Variants in PLEKHG1 observed in about 807,000 individuals in gnomAD.
PLEKHG1 encodes the protein pleckstrin homology and RhoGEF domain containing G1, also known as pleckstrin homology domain-containing family G member 1.
PLEKHG1 carries 44 observed loss-of-function variants against 100.8 expected under a neutral mutation model. The observed-to-expected ratio is 0.44, with a 90% CI of 0.34 to 0.56. The LOEUF (loss-of-function observed/expected upper bound fraction) is 0.56, where lower values mean the gene tolerates loss of function less well. Ranked by LOEUF, PLEKHG1 falls within the 20% of genes least tolerant of loss-of-function variation. The pLI is 0.01. For missense variants in PLEKHG1, 1,545 were observed against 1,720.9 expected (o/e 0.90, Z 1.81); for synonymous variants, 640 against 662.5 (o/e 0.97, Z 0.52).
At chr6:150,748,615 C>CTTTTT (rs746682669) in intron 2 of PLEKHG1, among the ~76,000 whole-genome samples, 4 of 118,196 alleles carry the variant, frequency 3.4e-5, no homozygotes, top group African/African-American at 3.4e-5. Context: ...TACCTTTGAC[C>CTTTTT]TTTTTTTTTT....
At chr6:150,722,833 A>G (rs1007440095) in intron 1 of PLEKHG1, among the ~76,000 whole-genome samples, 5 of 152,158 alleles carry the variant, frequency 3.3e-5, no homozygotes, top group African/African-American at 4.8e-5. Context: ...AGTGCGTTCC[A>G]TACAGATGGA....
At chr6:150,618,473 T>C (rs1272040848) in intron 1 of PLEKHG1, among the ~76,000 whole-genome samples, 2 of 152,212 alleles carry the variant, frequency 1.3e-5, no homozygotes, top group Non-Finnish European at 2.9e-5. Context: ...CCACTGTGGC[T>C]GATATCAAGC....
intron 2 of PLEKHG1, among the ~76,000 whole-genome samples, chr6:150,754,668 T>C (rs1200555245): frequency 2.0e-5 from 3 of 149,514 alleles, no homozygotes; most frequent in South Asian, 2.1e-4. Context: ...GGACTTTCTT[T>C]CTTTTTTTTT....
chr6:150,626,343 A>G (rs1163478570), intron 1 of PLEKHG1, among the ~76,000 whole-genome samples: 2 of 152,206 alleles, frequency 1.3e-5, no homozygotes, highest in Admixed American at 6.5e-5. Context: ...TCAGAGTTCC[A>G]TGGCCAGCTG....
intron 4 of PLEKHG1, among the ~76,000 whole-genome samples, chr6:150,791,416 C>T (rs1182331268): frequency 3.3e-5 from 5 of 152,112 alleles, no homozygotes; most frequent in Non-Finnish European, 5.9e-5. Context: ...AATCTCAGCA[C>T]TTTGGGAGGC....
Position 150,683,898 on chromosome 6 carries a change from C to A in PLEKHG1, c.-99+33112C>A. On this transcript the variant is annotated intron_variant, in intron 3 of 3. Transcript: ENST00000367326. The surrounding 1 kb of genome is among the most constrained non-coding windows in gnomAD (Gnocchi z 4.0). ...TGGGATGGAGGTAAGATGGAGCGAT[C>A]CTATGGTTTGGCACCTGCAGCCAGG... 1 of 1,098,798 alleles carries A rather than the reference C, an allele frequency of 9.1e-7. No individual in the cohort carries two copies. Among genetic ancestry groups the A allele is most frequent in the Non-Finnish European group, 1.2e-6 (1 of 837,382 alleles). 68.1% of individuals were successfully genotyped at this position (1,098,798 alleles called of 1,614,324 possible).
At chr6:150,750,424 GC>G (rs1366062560) in intron 2 of PLEKHG1, among the ~76,000 whole-genome samples, 1 of 152,138 alleles carries the variant, frequency 6.6e-6, no homozygotes, top group East Asian at 1.9e-4. Context: ...TTGAAGTTCT[GC>G]AGATTCCAGT....
intron 13 of PLEKHG1, 134 bp downstream of exon 14, chr6:150,821,367 A>G (rs1776286451): frequency 1.5e-6 from 1 of 683,324 alleles, no homozygotes; most frequent in Non-Finnish European, 2.5e-6. Flanking sequence ...TAACTTCTGT[A>G]AATAAAAGTG....
chr6:150,683,989 C>T lies in PLEKHG1; in HGVS notation c.-99+33203C>T, dbSNP rs573232913. On this transcript the variant is annotated intron_variant, in intron 3 of 3. Coordinates refer to the PLEKHG1 transcript ENST00000367326. The surrounding 1 kb of genome is among the most constrained non-coding windows in gnomAD (Gnocchi z 4.0). ...GGATAAAAGTATCAGGCAGCCTCCT[C>T]GGGCGGAGACCGCAGGTAGATGTCC... is the stretch of plus-strand genomic sequence containing the variant. 649 of 370,456 alleles carry T rather than the reference C, an allele frequency of 1.8e-3. 17 individuals are homozygous for T. The highest frequency in any genetic ancestry group is 0.012 in the South Asian group (577 of 47,102). The allele number at this position is 370,456 out of a possible 1,614,324, so 22.9% of individuals were successfully genotyped here. A position where few individuals can be genotyped will look rare whatever the true frequency, so the allele number is the denominator to read the frequency against.
intron 1 of PLEKHG1, among the ~76,000 whole-genome samples, chr6:150,729,749 T>C (rs140409731): frequency 6.6e-6 from 1 of 152,250 alleles, no homozygotes; most frequent in East Asian, 1.9e-4. Context: ...TCTGAAATGG[T>C]CTATTTTAGA....
chr6:150,741,341 A>G (rs1158254035), intron 2 of PLEKHG1, among the ~76,000 whole-genome samples: 1 of 152,190 alleles, frequency 6.6e-6, no homozygotes, highest in East Asian at 1.9e-4. Context: ...TATTTGCTCC[A>G]AACTTTTATG....
intron 3 of PLEKHG1, among the ~76,000 whole-genome samples, chr6:150,697,972 A>G (rs919449712): frequency 6.6e-6 from 1 of 151,754 alleles, no homozygotes. Flanking sequence ...TTTTTAAAGA[A>G]TGTTATGGAT....
chr6:150,641,560 A>G (rs1022052101), intron 2 of PLEKHG1, among the ~76,000 whole-genome samples: 3 of 152,242 alleles, frequency 2.0e-5, no homozygotes, highest in Admixed American at 6.5e-5. Context: ...ACAATATTCA[A>G]TATGAACAGT....
chr6:150,678,089 T>C (rs1030136500), intron 3 of PLEKHG1, among the ~76,000 whole-genome samples: 1 of 141,796 alleles, frequency 7.1e-6, no homozygotes, highest in Non-Finnish European at 1.5e-5. Context: ...TATATATATA[T>C]ATATATATAT....
At chr6:150,637,155 GT>G (rs1778039577) in intron 1 of PLEKHG1, among the ~76,000 whole-genome samples, 2 of 152,154 alleles carry the variant, frequency 1.3e-5, no homozygotes, top group African/African-American at 4.8e-5. Flanking sequence ...CTATGAATAT[GT>G]TTTTTGTTTT....
chr6:150,682,057 C>T (rs1004012829), intron 3 of PLEKHG1, among the ~76,000 whole-genome samples: 1 of 152,164 alleles, frequency 6.6e-6, no homozygotes, highest in African/African-American at 2.4e-5. Context: ...GAGGGGCAAG[C>T]GTGATGCCTG....
At chr6:150,830,594 G>A (rs1405594699) in exon 15 of PLEKHG1, 2 of 1,591,984 alleles carry the variant, frequency 1.3e-6, no homozygotes, top group East Asian at 4.5e-5. Flanking sequence ...TTCTAGAGAG[G>A]AAGGATCTCC....
intron 14 of PLEKHG1, 128 bp downstream of exon 15, chr6:150,823,804 A>C (rs73615045): frequency 0.035 from 23,782 of 682,920 alleles, 550 homozygotes; most frequent in African/African-American, 0.081. Flanking sequence ...TTTTGGAAAT[A>C]TGGTATTTTA....
At chr6:150,674,642 T>TCTCTCTCTCTCC (rs1359961447) in intron 3 of PLEKHG1, among the ~76,000 whole-genome samples, 2 of 120,562 alleles carry the variant, frequency 1.7e-5, no homozygotes, top group Admixed American at 1.7e-4. Context: ...CCTCTCTCTC[T>TCTCTCTCTCTCC]CTCTCTCTCT....
Sources: gnomAD v4.1 joint callset for allele counts (sites outside exome capture counted in the v4.1 genomes callset) on GRCh38, gnomAD v4.1.1 for gene constraint, Gnocchi (gnomAD v3.1) non-coding constraint, MANE v1.5 for transcripts, NCBI Gene and HGNC (gene_info 2026-07-23, HGNC 2026-07-21) for gene names.